Variants in UBL3 observed in about 807,000 individuals in gnomAD.
The protein encoded by UBL3 is ubiquitin like 3.
A neutral mutation model predicts 18.4 loss-of-function variants in UBL3; 6 were observed. That is an observed-to-expected ratio of 0.33 (90% CI 0.18 to 0.64). The LOEUF is 0.64. UBL3 is among the 30% of genes least tolerant of loss of function. The probability of loss-of-function intolerance (pLI) is 0.76; values close to 1 mark genes in which losing one functional copy is unlikely to be tolerated. For missense variants in UBL3, 109 were observed against 142.9 expected (o/e 0.76, Z 1.21); for synonymous variants, 49 against 46.6 (o/e 1.05, Z -0.21).
At chr13:29,819,247 A>C (rs762264864) in intron 1 of UBL3, among the ~76,000 whole-genome samples, 2 of 152,246 alleles carry the variant, frequency 1.3e-5, no homozygotes, top group Non-Finnish European at 2.9e-5. Flanking sequence ...CTCTAAATAT[A>C]ATCTGAGAGA....
chr13:29,785,147 C>T (rs1037314781), intron 1 of UBL3, among the ~76,000 whole-genome samples: 2 of 152,140 alleles, frequency 1.3e-5, no homozygotes, highest in African/African-American at 4.8e-5. Flanking sequence ...CTCAGGTGAT[C>T]CACCTGCCTC....
rs1876703080 is a variant in UBL3, at chr13:29,766,918, AT to A, written c.*336del. ...ATGCAAATTGTATTTGGAACACTTG[AT>A]TTATTAGTTCTGATGATGAAAATTT... On this transcript the variant is annotated 3_prime_UTR_variant, in exon 5 of 5. Transcript: ENST00000380680. The A allele has an allele frequency of 6.2e-5, 12 of 193,626 alleles. No individual in the cohort carries two copies. The highest frequency in any genetic ancestry group is 1.2e-4 in the Non-Finnish European group (11 of 95,600). 12.0% of individuals were successfully genotyped at this position (193,626 alleles called of 1,614,324 possible). A position where few individuals can be genotyped will look rare whatever the true frequency, so the allele number is the denominator to read the frequency against.
At chr13:29,801,582 G>A (rs961055679) in intron 1 of UBL3, among the ~76,000 whole-genome samples, 2 of 152,092 alleles carry the variant, frequency 1.3e-5, no homozygotes, top group African/African-American at 4.8e-5. Flanking sequence ...CAACGGCTCA[G>A]CATTTCTCTG....
intron 1 of UBL3, among the ~76,000 whole-genome samples, chr13:29,781,753 G>A (rs1387853055): frequency 6.7e-6 from 1 of 148,302 alleles, no homozygotes; most frequent in African/African-American, 2.5e-5. Flanking sequence ...GGAGACTGAA[G>A]CAGGAGGACA....
chr13:29,821,790 C>G (rs115142209), intron 1 of UBL3, among the ~76,000 whole-genome samples: 1 of 152,054 alleles, frequency 6.6e-6, no homozygotes, highest in Non-Finnish European at 1.5e-5. Flanking sequence ...CCATTGATTT[C>G]GTACAGAAAT....
chr13:29,823,439 G>A (rs1878531224), intron 1 of UBL3, among the ~76,000 whole-genome samples: 1 of 152,204 alleles, frequency 6.6e-6, no homozygotes, highest in South Asian at 2.1e-4. Context: ...ACTGCGCCCG[G>A]CTGCAAATTT....
intron 1 of UBL3, among the ~76,000 whole-genome samples, chr13:29,817,938 T>C (rs898829427): frequency 1.3e-5 from 2 of 152,214 alleles, no homozygotes; most frequent in East Asian, 1.9e-4. Context: ...AGAAAATAAC[T>C]TATACTAGCC....
chr13:29,772,753 A>T (rs932311984), intron 2 of UBL3, among the ~76,000 whole-genome samples: 3 of 152,138 alleles, frequency 2.0e-5, no homozygotes, highest in African/African-American at 4.8e-5. Flanking sequence ...ATACAACTTT[A>T]GTTCACCTCA....
At chr13:29,774,568 T>A (rs1198836866) in intron 2 of UBL3, among the ~76,000 whole-genome samples, 1 of 152,174 alleles carries the variant, frequency 6.6e-6, no homozygotes, top group African/African-American at 2.4e-5. Flanking sequence ...TTTCTGAAAT[T>A]CTTTCTTAGC....
intron 1 of UBL3, among the ~76,000 whole-genome samples, chr13:29,811,643 A>G (rs1317113404): frequency 6.6e-6 from 1 of 152,146 alleles, no homozygotes; most frequent in African/African-American, 2.4e-5. Context: ...CCTAGAGCAC[A>G]CAGCTATCTT....
intron 1 of UBL3, among the ~76,000 whole-genome samples, chr13:29,780,285 T>G (rs1427954437): frequency 3.6e-5 from 5 of 139,972 alleles, no homozygotes; most frequent in African/African-American, 1.1e-4. Context: ...ACCTGGGAGG[T>G]GGAGCTTGCA....
chr13:29,838,082 AAAGAC>A (rs1259951933), intron 1 of UBL3, among the ~76,000 whole-genome samples: 1 of 151,978 alleles, frequency 6.6e-6, no homozygotes, highest in African/African-American at 2.4e-5. Flanking sequence ...GGTGAAAACC[AAAGAC>A]AAGATATAAT....
intron 1 of UBL3, among the ~76,000 whole-genome samples, chr13:29,821,963 G>A (rs1878465164): frequency 6.6e-6 from 1 of 152,172 alleles, no homozygotes; most frequent in East Asian, 1.9e-4. Context: ...ACCTGAATTA[G>A]AAGATCCAGA....
At chr13:29,780,734 T>C (rs977606484) in intron 1 of UBL3, among the ~76,000 whole-genome samples, 3 of 152,114 alleles carry the variant, frequency 2.0e-5, no homozygotes, top group Admixed American at 6.5e-5. Flanking sequence ...ATATTTTCTA[T>C]CTTCAGTGAC....
intron 1 of UBL3, among the ~76,000 whole-genome samples, chr13:29,827,134 T>C (rs1157903282): frequency 6.6e-6 from 1 of 152,236 alleles, no homozygotes; most frequent in Non-Finnish European, 1.5e-5. Flanking sequence ...ATAAGTGCGA[T>C]GTGGTGCTGA....
At chr13:29,772,069 C>T (rs758261900) in intron 3 of UBL3, 43 bp downstream of exon 3, 10 of 1,503,080 alleles carry the variant, frequency 6.7e-6, no homozygotes, top group Non-Finnish European at 9.2e-7. Flanking sequence ...AATCATGCTA[C>T]CATGAGACAG....
intron 1 of UBL3, among the ~76,000 whole-genome samples, chr13:29,848,697 C>A (rs1415769176): frequency 6.6e-6 from 1 of 152,138 alleles, no homozygotes; most frequent in Non-Finnish European, 1.5e-5. Flanking sequence ...ACAAGCCCAG[C>A]CCCAGCACTG....
intron 1 of UBL3, among the ~76,000 whole-genome samples, chr13:29,833,047 G>T (rs1282184629): frequency 6.6e-6 from 1 of 152,124 alleles, no homozygotes; most frequent in Non-Finnish European, 1.5e-5. Context: ...TCAAACACAG[G>T]GTACATACAA....
chr13:29,779,717 A>G (rs1463108568), intron 1 of UBL3, among the ~76,000 whole-genome samples: 1 of 152,222 alleles, frequency 6.6e-6, no homozygotes, highest in Non-Finnish European at 1.5e-5. Context: ...TAGCCACAAT[A>G]TATTAAGTGA....
Sources: gnomAD v4.1 joint callset for allele counts (sites outside exome capture counted in the v4.1 genomes callset) on GRCh38, gnomAD v4.1.1 for gene constraint, MANE v1.5 for transcripts, NCBI Gene and HGNC (gene_info 2026-07-23, HGNC 2026-07-21) for gene names.